Variants in VANGL2 observed in about 807,000 individuals in gnomAD.
VANGL2 encodes VANGL planar cell polarity protein 2, also known as vang-like protein 2.
Under a neutral mutation model 50.2 loss-of-function variants are expected in VANGL2, and 14 were observed. The ratio of observed to expected loss-of-function variants is 0.28; its 90% CI spans 0.18 to 0.44. The LOEUF (loss-of-function observed/expected upper bound fraction) is 0.44, where lower values mean the gene tolerates loss of function less well. Among genes scored for constraint, VANGL2 ranks in the 20% least tolerant of loss-of-function variants. The pLI is 1.00. For missense variants in VANGL2, 533 were observed against 701.5 expected (o/e 0.76, Z 2.71); for synonymous variants, 295 against 297.2 (o/e 0.99, Z 0.08).
chr1:160,402,833 G>A (rs1650522305), intron 1 of VANGL2, among the ~76,000 whole-genome samples: 1 of 151,978 alleles, frequency 6.6e-6, no homozygotes, highest in Admixed American at 6.6e-5. Flanking sequence ...TTGGGGTATA[G>A]GAAAGGGGTT....
chr1:160,415,618 C>A, intron 1 of VANGL2, 30 bp from the exon 2 acceptor site: 1 of 594,546 alleles, frequency 1.7e-6, no homozygotes. Flanking sequence ...GAGCTCGAGC[C>A]GCCTCTAACT....
intron 3 of VANGL2, among the ~76,000 whole-genome samples, chr1:160,416,682 G>A (rs1651073026): frequency 6.6e-6 from 1 of 152,150 alleles, no homozygotes; most frequent in Admixed American, 6.5e-5. Flanking sequence ...GGGACAAGAA[G>A]TAAGGCTGAG....
chr1:160,402,743 A>G (rs754231199), intron 1 of VANGL2, among the ~76,000 whole-genome samples: 4 of 151,990 alleles, frequency 2.6e-5, no homozygotes, highest in Non-Finnish European at 5.9e-5. Flanking sequence ...GAAGTCAGTG[A>G]CTATCCAGGA....
rs149889263 is a variant in VANGL2, at chr1:160,419,077, C to T, written c.268C>T (p.Arg90Cys). 63 of 1,614,010 alleles carry T rather than the reference C, an allele frequency of 3.9e-5. No homozygotes were observed. Among genetic ancestry groups the T allele is most frequent in the Middle Eastern group, 3.3e-4 (2 of 6,062 alleles). ...EHSISHDDLT[R>C]IAKDMEDSVP... ...CAGCATCTCCCATGATGACCTCACA[C>T]GCATCGCCAAGGACATGGAGGACAG... The change falls in exon 4 of 8, where the codon CGC (arginine) becomes TGC (cysteine). Residue 90 changes from arginine to cysteine, a missense_variant. Transcript: ENST00000368061. The surrounding 1 kb of genome is among the most constrained non-coding windows in gnomAD (Gnocchi z 5.8).
chr1:160,415,741 C>A lies in VANGL2; in HGVS notation c.-97C>A. On this transcript the variant is annotated 5_prime_UTR_variant, in exon 2 of 8. Transcript: ENST00000368061. Reference sequence around the variant, plus strand: ...TTGACTTCCTGAAGGTGCCTCTTGGCCTAAAGAAGCCGGTGCTGAAGGAGG... The same window carrying A: ...TTGACTTCCTGAAGGTGCCTCTTGGACTAAAGAAGCCGGTGCTGAAGGAGG... The A allele has an allele frequency of 7.0e-7, 1 of 1,422,676 alleles. No individual in the cohort carries two copies. The highest frequency in any genetic ancestry group is 9.7e-7 in the Non-Finnish European group (1 of 1,029,752). 88.1% of individuals were successfully genotyped at this position (1,422,676 alleles called of 1,614,324 possible).
intron 1 of VANGL2, among the ~76,000 whole-genome samples, chr1:160,414,153 G>A (rs966447314): frequency 1.3e-5 from 2 of 152,176 alleles, no homozygotes; most frequent in South Asian, 2.1e-4. Context: ...TGATCTCCCT[G>A]TTTCTATTTT....
intron 1 of VANGL2, among the ~76,000 whole-genome samples, chr1:160,414,074 C>G (rs1464764888): frequency 1.3e-5 from 2 of 152,246 alleles, no homozygotes; most frequent in Non-Finnish European, 2.9e-5. Flanking sequence ...AAGTCTCAAA[C>G]ATGACTGTTA....
intron 1 of VANGL2, among the ~76,000 whole-genome samples, chr1:160,408,052 A>C (rs1310976249): frequency 5.3e-5 from 8 of 152,020 alleles, no homozygotes; most frequent in Non-Finnish European, 1.0e-4. Flanking sequence ...AAGACGGACT[A>C]GGAATGGGTC....
Position 160,425,484 on chromosome 1 carries a change from C to CT in VANGL2, c.*107dup. The CT allele has an allele frequency of 1.1e-6, 1 of 948,300 alleles. No homozygotes were observed. Among genetic ancestry groups the CT allele is most frequent in the Non-Finnish European group, 1.4e-6 (1 of 700,176 alleles). The allele number at this position is 948,300 out of a possible 1,614,324, so 58.7% of individuals were successfully genotyped here. Reference sequence around the variant, plus strand: ...ATTCCTGCCACCCTTCTTCTTCTTGCTCTTTTTTTTTTACTTGAATTAACG... The same window carrying CT: ...ATTCCTGCCACCCTTCTTCTTCTTGCTTCTTTTTTTTTTACTTGAATTAACG... On this transcript the variant is annotated 3_prime_UTR_variant, in exon 8 of 8. Coordinates refer to ENST00000368061, the MANE Select transcript of VANGL2 (RefSeq NM_020335.3).
intron 6 of VANGL2, among the ~76,000 whole-genome samples, chr1:160,422,587 CT>C (rs1651311355): frequency 2.0e-5 from 3 of 152,198 alleles, no homozygotes; most frequent in Non-Finnish European, 4.4e-5. Flanking sequence ...GAAGGCCTCA[CT>C]TTCTTTCTTT....
rs576915953 is a variant in VANGL2 at position 160,416,119 on chromosome 1, G to C, written c.129G>C (p.Ser43=). Reference sequence around the variant, plus strand: ...GAGATGGGGGCCGAGGGGACAAGTCGGTGACAATCCAGGCTCCCGGGGAGC... The same window carrying C: ...GAGATGGGGGCCGAGGGGACAAGTCCGTGACAATCCAGGCTCCCGGGGAGC... ...KSRDGGRGDK[S]VTIQAPGEPL... is the part of the protein sequence containing the mutation. The change falls in exon 3 of 8, where the codon TCG becomes TCC. Residue 43 remains serine (S), a synonymous_variant. Transcript: ENST00000368061. The C allele has an allele frequency of 6.2e-7, 1 of 1,614,230 alleles. No individual in the cohort carries two copies. The highest frequency in any genetic ancestry group is 8.5e-7 in the Non-Finnish European group (1 of 1,180,032).
At position 160,426,693 on chromosome 1, in the gene VANGL2, A is replaced by G. The variant is rs545597678; in HGVS notation, c.*1315A>G. 9.2e-5 allele frequency: 14 copies of G among 152,744 alleles called. No homozygotes were observed. The highest frequency in any genetic ancestry group is 3.1e-4 in the African/African-American group (13 of 41,570). The allele number at this position is 152,744 out of a possible 1,614,324, so 9.5% of individuals were successfully genotyped here. ...GCTGGCCCTCTAATAAATATTTTCA[A>G]TATAAATCTGAGCCTTTGACTCAGA... On this transcript the variant is annotated 3_prime_UTR_variant, in exon 8 of 8. Coordinates refer to ENST00000368061, the MANE Select transcript of VANGL2 (RefSeq NM_020335.3).
At chr1:160,413,898 C>T (rs900019430) in intron 1 of VANGL2, among the ~76,000 whole-genome samples, 3 of 152,210 alleles carry the variant, frequency 2.0e-5, no homozygotes, top group Non-Finnish European at 2.9e-5. Context: ...TGGCCACTAA[C>T]TTAGCAGGCT....
At chr1:160,413,574 A>G (rs1317601952) in intron 1 of VANGL2, among the ~76,000 whole-genome samples, 1 of 152,132 alleles carries the variant, frequency 6.6e-6, no homozygotes, top group African/African-American at 2.4e-5. Context: ...AGTTTTTAAC[A>G]TAATCAGCCT....
chr1:160,421,397 C>A (rs1419802337), intron 6 of VANGL2, among the ~76,000 whole-genome samples: 1 of 152,208 alleles, frequency 6.6e-6, no homozygotes, highest in East Asian at 1.9e-4. Flanking sequence ...TTCCATGGGT[C>A]AGGTGCAGGC....
rs144170340 is a variant in VANGL2, at chr1:160,419,550, G to A, written c.741G>A (p.Thr247=). 3.4e-5 allele frequency: 54 copies of A among 1,600,644 alleles called. No individual in the cohort carries two copies. Among genetic ancestry groups the A allele is most frequent in the Non-Finnish European group, 4.5e-5 (53 of 1,179,766 alleles). The stretch of plus-strand genomic sequence containing the variant: ...TGCGCCAGCTCCAGCCTCAGTTCAC[G>A]CTCAAGGTCGTGCGCTCCACCGACG... The part of the protein sequence containing the change: ...LELRQLQPQF[T]LKVVRSTDGA... The change falls in exon 4 of 8, where the codon ACG becomes ACA. Residue 247 remains threonine (T), a synonymous_variant. Transcript: ENST00000368061. The surrounding 1 kb of genome is among the most constrained non-coding windows in gnomAD (Gnocchi z 5.8).
chr1:160,425,995 A>G lies in VANGL2; in HGVS notation c.*617A>G, dbSNP rs1651441431. 1 of 152,304 alleles carries G rather than the reference A, an allele frequency of 6.6e-6. No individual in the cohort carries two copies. The highest frequency in any genetic ancestry group is 6.5e-5 in the Admixed American group (1 of 15,294). The allele number at this position is 152,304 out of a possible 1,614,324, so 9.4% of individuals were successfully genotyped here. On this transcript the variant is annotated 3_prime_UTR_variant, in exon 8 of 8. Coordinates refer to ENST00000368061, the MANE Select transcript of VANGL2 (RefSeq NM_020335.3). The stretch of plus-strand genomic sequence containing the variant: ...CTTCCACATATATTTAGAGCAAAGA[A>G]GGATCCCATCCTTTTCCCAGAAATC...
chr1:160,414,814 G>T (rs1650996895), intron 1 of VANGL2, among the ~76,000 whole-genome samples: 1 of 151,182 alleles, frequency 6.6e-6, no homozygotes. Flanking sequence ...CCTATGAGGG[G>T]GTGGGGCCGG....
chr1:160,417,544 G>C (rs1021702653), intron 3 of VANGL2, among the ~76,000 whole-genome samples: 1 of 152,236 alleles, frequency 6.6e-6, no homozygotes, highest in African/African-American at 2.4e-5. Flanking sequence ...TGGCCTTGCA[G>C]ACCAGAGACC....
Sources: allele counts gnomAD v4.1 joint callset (sites outside exome capture counted in the v4.1 genomes callset), GRCh38; gene constraint gnomAD v4.1.1; non-coding constraint Gnocchi (gnomAD v3.1); transcripts MANE v1.5; gene names NCBI Gene and HGNC (gene_info 2026-07-23, HGNC 2026-07-21).